Variants in ZMYND11 observed in about 807,000 individuals in gnomAD.
ZMYND11 encodes the protein zinc finger MYND-type containing 11.
In ZMYND11, 9 loss-of-function variants were observed where a neutral mutation model predicts 84.9. That is an observed-to-expected ratio of 0.11 (90% CI 0.06 to 0.18). ZMYND11 has a LOEUF of 0.18. Among genes scored for constraint, ZMYND11 ranks in the 10% least tolerant of loss-of-function variants. The pLI is 1.00. For synonymous variants in ZMYND11, 250 were observed against 244.1 expected (o/e 1.02, Z -0.23); for missense variants, 409 against 761.0 (o/e 0.54, Z 5.44).
At chr10:249,520 G>A in intron 14 of ZMYND11, 1 of 984,950 alleles carries the variant, frequency 1.0e-6, no homozygotes, top group Non-Finnish European at 1.2e-6. Flanking sequence ...ATTAGATTTT[G>A]TTAAAGAAAT....
chr10:130,452 A>T (rs184091914), upstream of ZMYND11, among the ~76,000 whole-genome samples: 95 of 152,342 alleles, frequency 6.2e-4, no homozygotes, highest in African/African-American at 2.2e-3. Flanking sequence ...GGCCCGTTTA[A>T]TATTCATCAT....
chr10:213,742 C>T (rs1054427484), intron 3 of ZMYND11, among the ~76,000 whole-genome samples: 2 of 152,086 alleles, frequency 1.3e-5, no homozygotes, highest in African/African-American at 4.8e-5. Context: ...TCTTCAATTC[C>T]ACAATTCTGT....
chr10:160,356 C>T (rs1346033470), intron 1 of ZMYND11, among the ~76,000 whole-genome samples: 1 of 152,220 alleles, frequency 6.6e-6, no homozygotes, highest in Non-Finnish European at 1.5e-5. Context: ...TAACAATCAT[C>T]TGAGCCTTCA....
At chr10:232,159 G>C (rs1949111809) in intron 4 of ZMYND11, among the ~76,000 whole-genome samples, 1 of 152,212 alleles carries the variant, frequency 6.6e-6, no homozygotes, top group Admixed American at 6.5e-5. Flanking sequence ...GTTTACTTCA[G>C]AAGCTACCTC....
chr10:146,393 A>G (rs901557598), intron 1 of ZMYND11, among the ~76,000 whole-genome samples: 4 of 152,058 alleles, frequency 2.6e-5, no homozygotes, highest in Non-Finnish European at 5.9e-5. Context: ...ATTTTTCTCT[A>G]TTTCTATTGA....
chr10:238,735 T>G (rs902158944), intron 6 of ZMYND11, among the ~76,000 whole-genome samples: 3 of 152,260 alleles, frequency 2.0e-5, no homozygotes, highest in East Asian at 3.9e-4. Context: ...GTTTTTCCCT[T>G]AAAGTAACTG....
chr10:168,346 GGTATGT>G (rs2131594832), intron 1 of ZMYND11, among the ~76,000 whole-genome samples: 1 of 152,118 alleles, frequency 6.6e-6, no homozygotes, highest in East Asian at 1.9e-4. Context: ...CAGGCATGGT[GGTATGT>G]GTACCTGTGG....
At position 179,406 on chromosome 10, in the gene ZMYND11, A is replaced by G. The variant is rs534657779; in HGVS notation, c.-19-588A>G. Among the ~76,000 whole-genome samples, 9 of 152,292 alleles carry G rather than the reference A, an allele frequency of 5.9e-5. No homozygotes were observed. In the South Asian group the frequency reaches 1.9e-3, roughly 32 times the overall value. ...TAAATACCCCCAAAACTTACACCTAATCCAAGAATGTTACCATTCTTCATA... is the reference window on the plus strand; with the variant it reads ...TAAATACCCCCAAAACTTACACCTAGTCCAAGAATGTTACCATTCTTCATA... On this transcript the variant is annotated intron_variant, in intron 1 of 14. Coordinates refer to ENST00000381604, the MANE Select transcript of ZMYND11 (RefSeq NM_001370100.5).
At chr10:248,080 A>T (rs1208167933) in intron 12 of ZMYND11, among the ~76,000 whole-genome samples, 1 of 152,254 alleles carries the variant, frequency 6.6e-6, no homozygotes, top group Non-Finnish European at 1.5e-5. Context: ...AAGTAAAATT[A>T]TAAATGAAGC....
At chr10:141,202 A>G (rs1388851231) in intron 1 of ZMYND11, among the ~76,000 whole-genome samples, 1 of 152,212 alleles carries the variant, frequency 6.6e-6, no homozygotes, top group Non-Finnish European at 1.5e-5. Flanking sequence ...ATCACACTAA[A>G]ATATTGTCTA....
chr10:137,307 G>A (rs1836342920), intron 1 of ZMYND11, among the ~76,000 whole-genome samples: 2 of 152,118 alleles, frequency 1.3e-5, no homozygotes, highest in Non-Finnish European at 1.5e-5. Context: ...GCCCATTCAG[G>A]ACCCTGCTGG....
intron 1 of ZMYND11, among the ~76,000 whole-genome samples, chr10:156,618 G>C (rs1554759174): frequency 6.6e-6 from 1 of 152,022 alleles, no homozygotes; most frequent in East Asian, 1.9e-4. Flanking sequence ...TTAGCTTAAA[G>C]GCCCTTATTA....
At chr10:224,289 A>G (rs1947696263) in intron 4 of ZMYND11, among the ~76,000 whole-genome samples, 1 of 152,218 alleles carries the variant, frequency 6.6e-6, no homozygotes, top group Non-Finnish European at 1.5e-5. Context: ...GGACAGTAAT[A>G]GGCATTTTTC....
chr10:254,384 G>C lies in ZMYND11; in HGVS notation c.*1914G>C, dbSNP rs920190598. ...AAAAAAAAACAAAATTAAAAAAAGA[G>C]ATTGTGGCCTGGTTTTGTAAAAGTT... On this transcript the variant is annotated 3_prime_UTR_variant, in exon 15 of 15. Transcript: ENST00000381604. 7 of 152,558 alleles carry C rather than the reference G, an allele frequency of 4.6e-5. No individual in the cohort carries two copies. Among genetic ancestry groups the C allele is most frequent in the African/African-American group, 1.7e-4 (7 of 41,418 alleles). The allele number at this position is 152,558 out of a possible 1,614,324, so 9.5% of individuals were successfully genotyped here. A position where few individuals can be genotyped will look rare whatever the true frequency, so the allele number is the denominator to read the frequency against.
intron 14 of ZMYND11, 197 bp downstream of exon 14, chr10:249,285 A>G (rs1952836156): frequency 7.0e-7 from 1 of 1,418,864 alleles, no homozygotes; most frequent in Non-Finnish European, 9.2e-7. Flanking sequence ...ATTACTGTGT[A>G]CTGCTCAGGA....
At chr10:239,978 CTGAA>C in intron 7 of ZMYND11, 74 bp from the exon 8 acceptor site, 1 of 1,294,894 alleles carries the variant, frequency 7.7e-7, no homozygotes, top group Non-Finnish European at 1.1e-6. Context: ...CTTTTGCAAA[CTGAA>C]AGAAAAGGAT....
At chr10:157,155 TTA>T (rs1841899832) in intron 1 of ZMYND11, among the ~76,000 whole-genome samples, 1 of 152,172 alleles carries the variant, frequency 6.6e-6, no homozygotes, top group African/African-American at 2.4e-5. Flanking sequence ...CATAAAAGGT[TTA>T]TATAATTCTC....
chr10:169,116 C>T (rs969080921), intron 1 of ZMYND11, among the ~76,000 whole-genome samples: 1 of 152,026 alleles, frequency 6.6e-6, no homozygotes, highest in African/African-American at 2.4e-5. Flanking sequence ...CCTAACCTAC[C>T]TGGGGGAAGG....
At chr10:205,578 T>G (rs1943974780) in intron 2 of ZMYND11, among the ~76,000 whole-genome samples, 1 of 151,680 alleles carries the variant, frequency 6.6e-6, no homozygotes, top group African/African-American at 2.4e-5. Flanking sequence ...TAATCCCAGC[T>G]TCTCAGGAGG....
Sources: allele counts gnomAD v4.1 joint callset (sites outside exome capture counted in the v4.1 genomes callset), GRCh38; gene constraint gnomAD v4.1.1; transcripts MANE v1.5; gene names NCBI Gene and HGNC (gene_info 2026-07-23, HGNC 2026-07-21).